Variants in PTPRM observed in about 807,000 individuals in gnomAD.
The protein encoded by PTPRM is receptor-type tyrosine-protein phosphatase mu.
A neutral mutation model predicts 186.7 loss-of-function variants in PTPRM; 47 were observed. That is an observed-to-expected ratio of 0.25 (90% CI 0.20 to 0.32). The LOEUF (loss-of-function observed/expected upper bound fraction) is 0.32. PTPRM is among the 10% of genes least tolerant of loss of function. PTPRM has a pLI of 1.00. For missense variants in PTPRM, 1,494 were observed against 1,865.0 expected, an observed-to-expected ratio of 0.80 and a Z score of 3.66; for synonymous variants, 668 against 674.9, an observed-to-expected ratio of 0.99 and a Z score of 0.16.
Position 8,406,320 on chromosome 18 carries a change from G to T in PTPRM, c.*158G>T. ...CAAGAAAGTGTTTCTAAAATTGCTT[G>T]CACTGCCCAATCCCAGTAATGCTGC... On this transcript the variant is annotated 3_prime_UTR_variant, in exon 33 of 33. Coordinates refer to ENST00000580170, the MANE Select transcript of PTPRM (RefSeq NM_001105244.2). 2 of 663,072 alleles carry T rather than the reference G, an allele frequency of 3.0e-6. No homozygotes were observed. The highest frequency in any genetic ancestry group is 5.1e-6 in the Non-Finnish European group (2 of 391,058). The allele number at this position is 663,072 out of a possible 1,614,324, so 41.1% of individuals were successfully genotyped here.
chr18:7,740,740 G>C (rs1406840711), intron 1 of PTPRM, among the ~76,000 whole-genome samples: 1 of 152,186 alleles, frequency 6.6e-6, no homozygotes, highest in African/African-American at 2.4e-5. Flanking sequence ...TTTAAAGGCA[G>C]AAAAAGGAGA....
At chr18:8,354,228 A>AAGAG (rs1568814150) in intron 23 of PTPRM, among the ~76,000 whole-genome samples, 2 of 150,124 alleles carry the variant, frequency 1.3e-5, no homozygotes. Flanking sequence ...AAAAAAAAGT[A>AAGAG]TAATGCAAAG....
chr18:8,360,329 G>C (rs1266540078), intron 23 of PTPRM, among the ~76,000 whole-genome samples: 1 of 152,162 alleles, frequency 6.6e-6, no homozygotes, highest in African/African-American at 2.4e-5. Flanking sequence ...CTCCCTGTCT[G>C]TAGGACCAGG....
At chr18:7,770,496 G>A (rs1267686133) in intron 1 of PTPRM, among the ~76,000 whole-genome samples, 1 of 152,186 alleles carries the variant, frequency 6.6e-6, no homozygotes, top group East Asian at 1.9e-4. Flanking sequence ...AATAATTGAT[G>A]CTGGCTGAAC....
At chr18:7,793,685 G>A (rs2043456276) in intron 2 of PTPRM, among the ~76,000 whole-genome samples, 1 of 152,160 alleles carries the variant, frequency 6.6e-6, no homozygotes, top group Non-Finnish European at 1.5e-5. Context: ...GGTGGGAAGG[G>A]AAGGGTGTGG....
In PTPRM at chr18:7,761,567, C is replaced by T. The variant is rs146775944; in HGVS notation, c.74-12582C>T. ...AGATTCTTACATTTAGGTACTGACT[C>T]TCTGGTTTTCTTTTTTTTATCTGGC... On this transcript the variant is annotated intron_variant, in intron 1 of 32. Coordinates refer to ENST00000580170, the MANE Select transcript of PTPRM (RefSeq NM_001105244.2). Among the ~76,000 whole-genome samples the T allele has an allele frequency of 6.4e-3, 971 of 152,296 alleles. 4 individuals carry two copies. Among genetic ancestry groups the T allele is most frequent in the Non-Finnish European group, 8.5e-3 (576 of 68,018 alleles).
rs2089329104 is a variant in PTPRM, at chr18:8,069,575, AGAG to A, written c.1133-107_1133-105del. The A allele has an allele frequency of 1.2e-5, 11 of 921,084 alleles. No homozygotes were observed. The East Asian group carries it at 1.6e-4, about 13-fold the overall frequency. The allele number at this position is 921,084 out of a possible 1,614,324, so 57.1% of individuals were successfully genotyped here. On this transcript the variant is annotated intron_variant, in intron 7 of 32. Transcript: ENST00000580170. ...TTTAGGGATTTATTATCCAGGAAGA[AGAG>A]GAGACCAGGTGGTGGGGACAACTGG...
At chr18:8,213,758 G>A (rs2094039316) in intron 14 of PTPRM, among the ~76,000 whole-genome samples, 1 of 152,170 alleles carries the variant, frequency 6.6e-6, no homozygotes, top group Non-Finnish European at 1.5e-5. Flanking sequence ...TACTGGGTAT[G>A]TAACCAAAGG....
At chr18:7,581,791 C>T (rs2036852817) in intron 1 of PTPRM, among the ~76,000 whole-genome samples, 1 of 151,378 alleles carries the variant, frequency 6.6e-6, no homozygotes, top group Non-Finnish European at 1.5e-5. Flanking sequence ...AGCTGGGACT[C>T]CCAAGCAGCA....
intron 1 of PTPRM, among the ~76,000 whole-genome samples, chr18:7,771,257 G>T (rs2042257253): frequency 2.0e-5 from 3 of 152,094 alleles, no homozygotes; most frequent in Admixed American, 6.6e-5. Context: ...GTTTCCACTG[G>T]GGGACCTTCT....
chr18:8,078,098 T>C (rs944840110), intron 9 of PTPRM, among the ~76,000 whole-genome samples: 2 of 152,184 alleles, frequency 1.3e-5, no homozygotes, highest in African/African-American at 4.8e-5. Context: ...AGGGGAAATA[T>C]GTGATCCAGG....
intron 14 of PTPRM, among the ~76,000 whole-genome samples, chr18:8,237,758 A>G (rs2094363601): frequency 6.6e-6 from 1 of 151,952 alleles, no homozygotes; most frequent in Admixed American, 6.6e-5. Context: ...GATTCCCTCA[A>G]TTTGTATTTG....
intron 5 of PTPRM, among the ~76,000 whole-genome samples, chr18:7,944,849 A>G (rs2052409942): frequency 6.6e-6 from 1 of 152,174 alleles, no homozygotes; most frequent in South Asian, 2.1e-4. Context: ...AGTGCTTCCT[A>G]GAAAGCTTGC....
intron 2 of PTPRM, among the ~76,000 whole-genome samples, chr18:7,802,027 T>A (rs746036052): frequency 1.3e-5 from 2 of 152,242 alleles, no homozygotes; most frequent in Non-Finnish European, 2.9e-5. Flanking sequence ...AAAGTACATT[T>A]AGAAATATCC....
In PTPRM at chr18:7,662,847, A is replaced by T. The variant is rs990952986; in HGVS notation, c.73+94956A>T. Among the ~76,000 whole-genome samples the T allele has an allele frequency of 2.0e-5, 3 of 152,286 alleles. No individual in the cohort carries two copies. The South Asian group carries it at 6.2e-4, about 32-fold the overall frequency. On this transcript the variant is annotated intron_variant, in intron 1 of 32. Coordinates refer to ENST00000580170, the MANE Select transcript of PTPRM (RefSeq NM_001105244.2). ...TAAATATATACACCTATCAGTATGG[A>T]TACCTATTATAATGTATCCACAAAA...
chr18:7,829,811 A>G (rs1475181410), intron 2 of PTPRM, among the ~76,000 whole-genome samples: 1 of 152,142 alleles, frequency 6.6e-6, no homozygotes, highest in East Asian at 1.9e-4. Flanking sequence ...TGTGTTGGGA[A>G]TTGGAATCTC....
At chr18:8,053,966 A>G (rs2087703269) in intron 7 of PTPRM, among the ~76,000 whole-genome samples, 1 of 152,062 alleles carries the variant, frequency 6.6e-6, no homozygotes, top group South Asian at 2.1e-4. Context: ...GAGGAGTTCA[A>G]AATTAATCCC....
intron 1 of PTPRM, among the ~76,000 whole-genome samples, chr18:7,768,650 T>A (rs199977495): frequency 0.12 from 3,718 of 30,284 alleles, 68 homozygotes; most frequent in African/African-American, 0.27. Flanking sequence ...ATATATATAT[T>A]TTTTTTTTTT....
intron 14 of PTPRM, among the ~76,000 whole-genome samples, chr18:8,203,884 C>G (rs910269531): frequency 6.6e-6 from 1 of 152,078 alleles, no homozygotes; most frequent in Non-Finnish European, 1.5e-5. Flanking sequence ...TTCTTATGCT[C>G]GGTCAGGAAA....
Sources: gnomAD v4.1 joint callset for allele counts (sites outside exome capture counted in the v4.1 genomes callset) on GRCh38, gnomAD v4.1.1 for gene constraint, MANE v1.5 for transcripts, NCBI Gene and HGNC (gene_info 2026-07-23, HGNC 2026-07-21) for gene names.